Variants in GRM7 observed in about 807,000 individuals in gnomAD.
The protein encoded by GRM7 is glutamate metabotropic receptor 7, also known as metabotropic glutamate receptor 7.
A neutral mutation model predicts 84.5 loss-of-function variants in GRM7; 35 were observed. The ratio of observed to expected loss-of-function variants is 0.41; its 90% CI spans 0.32 to 0.55. GRM7 has a LOEUF of 0.55. Among genes scored for constraint, GRM7 ranks in the 20% least tolerant of loss-of-function variants. The pLI, the probability that GRM7 is intolerant of heterozygous loss-of-function variation, is 0.19. For missense variants in GRM7, 1,003 were observed against 1,194.6 expected (o/e 0.84, Z 2.36); for synonymous variants, 487 against 455.1 (o/e 1.07, Z -0.89).
chr3:7,127,670 G>A (rs551659329), intron 1 of GRM7, among the ~76,000 whole-genome samples: 12 of 152,220 alleles, frequency 7.9e-5, no homozygotes, highest in African/African-American at 2.9e-4. Flanking sequence ...GTAATGTGTG[G>A]AGTATAATTG....
chr3:7,186,575 C>A (rs17046956), intron 2 of GRM7, among the ~76,000 whole-genome samples: 5 of 152,140 alleles, frequency 3.3e-5, no homozygotes, highest in African/African-American at 4.8e-5. Context: ...GATAATTCAA[C>A]TGTGCTGGTT....
At chr3:7,444,651 C>G (rs1391471354) in intron 5 of GRM7, among the ~76,000 whole-genome samples, 1 of 152,124 alleles carries the variant, frequency 6.6e-6, no homozygotes, top group Non-Finnish European at 1.5e-5. Context: ...AACATTCCTC[C>G]TTTCAACCTC....
intron 7 of GRM7, among the ~76,000 whole-genome samples, chr3:7,553,981 A>G (rs1345335619): frequency 1.3e-5 from 2 of 152,182 alleles, no homozygotes; most frequent in African/African-American, 2.4e-5. Flanking sequence ...CAAGAACTCA[A>G]CTAATGGGGG....
chr3:7,107,059 C>A (rs1019771728), intron 1 of GRM7, among the ~76,000 whole-genome samples: 1 of 151,960 alleles, frequency 6.6e-6, no homozygotes, highest in African/African-American at 2.4e-5. Flanking sequence ...GGGGCTATGA[C>A]ACCTGAGGGA....
At chr3:7,529,579 A>G (rs1266962909) in intron 7 of GRM7, among the ~76,000 whole-genome samples, 1 of 152,102 alleles carries the variant, frequency 6.6e-6, no homozygotes, top group Non-Finnish European at 1.5e-5. Context: ...TTCTTGCTCC[A>G]TGGCTTTTTC....
intron 9 of GRM7, among the ~76,000 whole-genome samples, chr3:7,685,483 CT>C (rs912696120): frequency 2.0e-5 from 3 of 151,854 alleles, no homozygotes; most frequent in African/African-American, 7.3e-5. Context: ...GGGACACACC[CT>C]TTTTTTTGGA....
At chr3:6,902,882 C>CACACACACACACACA (rs60680312) in intron 1 of GRM7, among the ~76,000 whole-genome samples, 2 of 150,286 alleles carry the variant, frequency 1.3e-5, no homozygotes, top group Non-Finnish European at 3.0e-5. Context: ...CACACACACA[C>CACACACACACACACA]CCCTACTCTA....
chr3:7,569,399 G>A (rs908754725), intron 7 of GRM7, among the ~76,000 whole-genome samples: 1 of 152,050 alleles, frequency 6.6e-6, no homozygotes, highest in Non-Finnish European at 1.5e-5. Context: ...CTAATCTAGT[G>A]GGGACATGGA....
chr3:7,321,718 G>C (rs1575165135), intron 4 of GRM7, among the ~76,000 whole-genome samples: 2 of 148,310 alleles, frequency 1.3e-5, no homozygotes, highest in South Asian at 4.2e-4. Context: ...TGCTTTTTAG[G>C]AATAAAATGA....
chr3:7,511,209 C>T (rs1700187708), intron 7 of GRM7, among the ~76,000 whole-genome samples: 1 of 152,088 alleles, frequency 6.6e-6, no homozygotes, highest in Non-Finnish European at 1.5e-5. Flanking sequence ...ACATGCCTGG[C>T]CCTCGACTAT....
chr3:7,736,566 C>G (rs1007570861), intron 9 of GRM7, among the ~76,000 whole-genome samples: 2 of 152,046 alleles, frequency 1.3e-5, no homozygotes, highest in Non-Finnish European at 2.9e-5. Flanking sequence ...CAACTTAAAA[C>G]ACAGAAATCC....
intron 7 of GRM7, among the ~76,000 whole-genome samples, chr3:7,467,683 C>T (rs1698518587): frequency 6.6e-6 from 1 of 151,978 alleles, no homozygotes; most frequent in Non-Finnish European, 1.5e-5. Flanking sequence ...TTGTTTGTGC[C>T]CTAGGAAATC....
At chr3:7,353,177 G>A (rs1460232839) in intron 4 of GRM7, among the ~76,000 whole-genome samples, 1 of 151,996 alleles carries the variant, frequency 6.6e-6, no homozygotes, top group African/African-American at 2.4e-5. Flanking sequence ...CCTCTAACTA[G>A]ACTCAAGACG....
chr3:7,290,111 T>TA (rs1377239898), intron 2 of GRM7, among the ~76,000 whole-genome samples: 1 of 152,156 alleles, frequency 6.6e-6, no homozygotes, highest in African/African-American at 2.4e-5. Flanking sequence ...ATGCCTGAAA[T>TA]ATGAAAGTTG....
At chr3:7,713,231 G>C (rs1382200747) in intron 9 of GRM7, among the ~76,000 whole-genome samples, 1 of 147,258 alleles carries the variant, frequency 6.8e-6, no homozygotes, top group Non-Finnish European at 1.5e-5. Flanking sequence ...TCTGCCTCCA[G>C]GTTCAAGCGA....
intron 1 of GRM7, among the ~76,000 whole-genome samples, chr3:7,099,197 C>T (rs190106688): frequency 1.8e-4 from 26 of 146,700 alleles, no homozygotes; most frequent in East Asian, 7.9e-4. Context: ...TATATATATA[C>T]GTATTATTAT....
rs528987433 is a variant in GRM7 at position 7,442,531 on chromosome 3, T to C, written c.1175-10076T>C. Among the ~76,000 whole-genome samples the C allele has an allele frequency of 1.3e-4, 20 of 152,242 alleles. No homozygotes were observed. The South Asian group carries it at 3.9e-3, about 30-fold the overall frequency. ...TAAACTTTGATAAAACTGATGGTTCTGAAATGTCCTTTCAAATTCTGAAGT... is the reference window on the plus strand; with the variant it reads ...TAAACTTTGATAAAACTGATGGTTCCGAAATGTCCTTTCAAATTCTGAAGT... On this transcript the variant is annotated intron_variant, in intron 5 of 9. Coordinates refer to ENST00000357716, the MANE Select transcript of GRM7 (RefSeq NM_000844.4).
At chr3:7,303,429 A>G (rs957762955) in intron 3 of GRM7, among the ~76,000 whole-genome samples, 13 of 152,050 alleles carry the variant, frequency 8.5e-5, no homozygotes, top group Non-Finnish European at 1.3e-4. Flanking sequence ...ACGTGTTACA[A>G]TTTTTAAATT....
intron 7 of GRM7, among the ~76,000 whole-genome samples, chr3:7,547,550 G>A (rs1179473997): frequency 1.3e-5 from 2 of 152,128 alleles, no homozygotes; most frequent in Admixed American, 6.5e-5. Flanking sequence ...TTTGGGGCAC[G>A]TAAGAATGTG....
Sources: gnomAD v4.1 joint callset for allele counts (sites outside exome capture counted in the v4.1 genomes callset) on GRCh38, gnomAD v4.1.1 for gene constraint, MANE v1.5 for transcripts, NCBI Gene and HGNC (gene_info 2026-07-23, HGNC 2026-07-21) for gene names.